Variants in ASB2 observed in about 807,000 individuals in gnomAD.
ASB2 encodes ankyrin repeat and SOCS box containing 2.
In ASB2, 58 loss-of-function variants were observed where a neutral mutation model predicts 62.4. The observed-to-expected ratio is 0.93, with a 90% CI of 0.75 to 1.16. The LOEUF (loss-of-function observed/expected upper bound fraction) is 1.16. ASB2 is among the 50% of genes most tolerant of loss of function. The pLI is 0.00. For synonymous variants in ASB2, 386 were observed against 385.3 expected (o/e 1.00, Z -0.02); for missense variants, 928 against 887.9 (o/e 1.05, Z -0.57).
intron 1 of ASB2, among the ~76,000 whole-genome samples, chr14:93,972,717 G>T (rs1889794510): frequency 6.6e-6 from 1 of 152,206 alleles, no homozygotes; most frequent in South Asian, 2.1e-4. Context: ...ACCTTGGTAA[G>T]GAAGGGGGGA....
chr14:93,934,260 G>A lies in ASB2; in HGVS notation c.*396C>T, dbSNP rs778620666. ...TACCTTGGGCCACGTCTTCATCTTA[G>A]TCTTTGGAGAGAAAGCTCTGAAGTC... On this transcript the variant is annotated 3_prime_UTR_variant, in exon 10 of 10. Coordinates refer to ENST00000555019, the MANE Select transcript of ASB2 (RefSeq NM_001202429.2). 1.7e-5 allele frequency: 8 copies of A among 457,336 alleles called. No individual in the cohort carries two copies. In the East Asian group the frequency reaches 4.8e-4, roughly 27 times the overall value. The allele number at this position is 457,336 out of a possible 1,614,324, so 28.3% of individuals were successfully genotyped here.
chr14:93,935,821 C>A (rs1350381642), intron 9 of ASB2, among the ~76,000 whole-genome samples: 2 of 152,202 alleles, frequency 1.3e-5, no homozygotes, highest in Non-Finnish European at 2.9e-5. Flanking sequence ...GATTTTTCTA[C>A]CACATAGTAC....
intron 1 of ASB2, among the ~76,000 whole-genome samples, chr14:93,967,688 C>T (rs964412427): frequency 3.5e-4 from 53 of 152,116 alleles, no homozygotes; most frequent in Admixed American, 5.2e-4. Context: ...TGCAACTCAG[C>T]GAGACGTTTG....
At chr14:93,973,720 C>T (rs2141325611) in intron 1 of ASB2, among the ~76,000 whole-genome samples, 1 of 152,360 alleles carries the variant, frequency 6.6e-6, no homozygotes, top group African/African-American at 2.4e-5. Flanking sequence ...ATCTGTGTGG[C>T]TCAGACACTC....
At chr14:93,972,975 C>T (rs181177400) in intron 1 of ASB2, among the ~76,000 whole-genome samples, 1 of 152,190 alleles carries the variant, frequency 6.6e-6, no homozygotes, top group Non-Finnish European at 1.5e-5. Flanking sequence ...CATCTCAGAC[C>T]TTTTGATGCT....
rs761162288 is a variant in ASB2 at position 93,939,278 on chromosome 14, T to C, written c.1447A>G (p.Met483Val). The C allele has an allele frequency of 1.2e-6, 2 of 1,609,576 alleles. No individual in the cohort carries two copies. Among genetic ancestry groups the C allele is most frequent in the Admixed American group, 3.3e-5 (2 of 59,906 alleles). The change falls in exon 8 of 10, where the codon ATG becomes GTG. Residue 483 changes from methionine to valine, a missense_variant. Coordinates refer to ENST00000555019, the MANE Select transcript of ASB2 (RefSeq NM_001202429.2). ...AGCGACAGGCACTTCATGGCGAACA[T>C]GATGGTGGCGGGGAAGGCGGTGGGG... is the stretch of plus-strand genomic sequence containing the variant. ...THPTAFPATI[M>V]FAMKCLSLLK...
intron 2 of ASB2, among the ~76,000 whole-genome samples, chr14:93,962,196 G>A (rs1426120544): frequency 3.1e-5 from 3 of 97,766 alleles, no homozygotes; most frequent in Non-Finnish European, 5.9e-5. Context: ...CTCACTGCAA[G>A]CTCCGCCTCC....
At position 93,954,416 on chromosome 14, in the gene ASB2, C is replaced by G. The variant is rs758225700; in HGVS notation, c.379G>C (p.Glu127Gln). ...DEEALKTMIK[E>Q]GKNLAEPNKE... ...TTGGGCTCTGCGAGATTCTTCCCTT[C>G]CTTGATCATGGTCTTCAAGGCCTCT... The change falls in exon 4 of 10, where the codon GAA (glutamate) becomes CAA (glutamine). Residue 127 changes from glutamate (E) to glutamine (Q), a missense_variant. By Grantham distance (29) the Glu-to-Gln change is conservative. Transcript: ENST00000555019. 3.1e-6 allele frequency: 5 copies of G among 1,614,220 alleles called. No homozygotes were observed. The highest frequency in any genetic ancestry group is 4.2e-6 in the Non-Finnish European group (5 of 1,180,026).
intron 8 of ASB2, 106 bp from the exon 9 acceptor site, chr14:93,937,957 C>T: frequency 8.3e-7 from 1 of 1,204,942 alleles, no homozygotes; most frequent in Non-Finnish European, 1.2e-6. Flanking sequence ...TGTGCACACC[C>T]AGGCTAGGAT....
chr14:93,951,095 C>T lies in ASB2; in HGVS notation c.784G>A (p.Ala262Thr). Residue 262 changes from alanine (A) to threonine (T), a missense_variant, in exon 6 of 10, where the codon GCC (alanine) becomes ACC (threonine). Physicochemically the swap from Ala to Thr is moderately conservative, Grantham distance 58. Transcript: ENST00000555019. ...TAGGCGTTCTTGGATTCCACCTTGG[C>T]TCCTCCGCTCACCAGGATCTGCATG... ...EVMQILVSGG[A>T]KVESKNAYGI... The T allele has an allele frequency of 6.2e-7, 1 of 1,614,224 alleles. No individual in the cohort carries two copies. The highest frequency in any genetic ancestry group is 8.5e-7 in the Non-Finnish European group (1 of 1,180,054).
At chr14:93,943,145 A>G (rs922663839) in intron 7 of ASB2, among the ~76,000 whole-genome samples, 2 of 152,210 alleles carry the variant, frequency 1.3e-5, no homozygotes, top group African/African-American at 4.8e-5. Context: ...AGCACAATGT[A>G]ATGATCTTTC....
intron 6 of ASB2, among the ~76,000 whole-genome samples, chr14:93,950,027 A>G (rs937226899): frequency 6.6e-6 from 1 of 152,204 alleles, no homozygotes; most frequent in Non-Finnish European, 1.5e-5. Flanking sequence ...TTGGAGTCAG[A>G]TGGCAGTGGG....
chr14:93,955,144 A>G (rs149617997), intron 3 of ASB2: 2 of 456,664 alleles, frequency 4.4e-6, no homozygotes, highest in East Asian at 7.0e-5. Context: ...CACGATGTCT[A>G]TGCCTCTCAG....
intron 8 of ASB2, among the ~76,000 whole-genome samples, chr14:93,938,667 G>T (rs1277009301): frequency 6.6e-6 from 1 of 152,084 alleles, no homozygotes; most frequent in Non-Finnish European, 1.5e-5. Context: ...GTTTCACATC[G>T]CATTCCAGGT....
At chr14:93,959,803 T>C (rs889761174) in intron 2 of ASB2, among the ~76,000 whole-genome samples, 2 of 151,834 alleles carry the variant, frequency 1.3e-5, no homozygotes, top group Admixed American at 6.6e-5. Context: ...ATGGCTGCTC[T>C]GTCTGAGTTA....
chr14:93,939,023 C>G (rs1238140306), intron 8 of ASB2, 85 bp downstream of exon 8: 1 of 1,245,214 alleles, frequency 8.0e-7, no homozygotes, highest in Non-Finnish European at 1.1e-6. Context: ...GCGAACCACC[C>G]GGCCCCGCCC....
chr14:93,934,927 C>T (rs1245044524), intron 9 of ASB2, 135 bp from the exon 10 acceptor site: 3 of 694,394 alleles, frequency 4.3e-6, no homozygotes, highest in Non-Finnish European at 7.6e-6. Context: ...CTGCTGGTCA[C>T]CCCAGTCCCT....
At position 93,939,194 on chromosome 14, in the gene ASB2, C is replaced by T. The variant is rs751438811; in HGVS notation, c.1531G>A (p.Gly511Ser). 4 of 1,602,670 alleles carry T rather than the reference C, an allele frequency of 2.5e-6. No homozygotes were observed. The highest frequency in any genetic ancestry group is 2.2e-5 in the South Asian group (2 of 90,714). Residue 511 changes from glycine to serine, a missense_variant, in exon 8 of 10, where the codon GGC becomes AGC. Coordinates refer to ENST00000555019, the MANE Select transcript of ASB2 (RefSeq NM_001202429.2). Reference protein sequence around the residue: ...DGEPCFSCLYGNGPHPPAPQP... With the variant: ...DGEPCFSCLYSNGPHPPAPQP... The stretch of plus-strand genomic sequence containing the variant: ...GGGGCCGGCGGGTGCGGGCCGTTGC[C>T]GTAGAGGCATGAGAAGCAGGGCTCG...
chr14:93,943,442 C>T (rs561917571), intron 7 of ASB2, among the ~76,000 whole-genome samples: 2 of 152,114 alleles, frequency 1.3e-5, no homozygotes, highest in African/African-American at 4.8e-5. Flanking sequence ...CTCAGGAGTT[C>T]GAGACCAGCC....
Sources: gnomAD v4.1 joint callset for allele counts (sites outside exome capture counted in the v4.1 genomes callset) on GRCh38, gnomAD v4.1.1 for gene constraint, MANE v1.5 for transcripts, NCBI Gene and HGNC (gene_info 2026-07-23, HGNC 2026-07-21) for gene names.